The following EFCAB5 variants were observed in gnomAD, a reference collection of about 807,000 sequenced individuals.
EFCAB5 encodes EF-hand calcium-binding domain-containing protein 5.
Under a neutral mutation model 167.9 loss-of-function variants are expected in EFCAB5, and 131 were observed. The observed-to-expected ratio is 0.78, with a 90% CI of 0.68 to 0.90. The LOEUF (loss-of-function observed/expected upper bound fraction) is 0.90. Among genes scored for constraint, EFCAB5 ranks in the 40% least tolerant of loss-of-function variants. The pLI is 0.00. For synonymous variants in EFCAB5, 574 were observed against 602.8 expected (o/e 0.95, Z 0.70); for missense variants, 1,663 against 1,745.2 (o/e 0.95, Z 0.84).
chr17:30,097,055 T>C (rs199622600), intron 22 of EFCAB5, among the ~76,000 whole-genome samples: 24 of 53,756 alleles, frequency 4.5e-4, no homozygotes, highest in African/African-American at 7.6e-4. Context: ...TATACATATA[T>C]ATATATTTTT....
chr17:29,984,376 G>A (rs886619512), intron 4 of EFCAB5, among the ~76,000 whole-genome samples: 25 of 151,952 alleles, frequency 1.6e-4, no homozygotes, highest in African/African-American at 5.8e-4. Flanking sequence ...CTGACTGGTA[G>A]AGATTTGGTT....
In EFCAB5 at chr17:29,989,522, G is replaced by T. The variant is rs911726380; in HGVS notation, c.768-3643G>T. 3.9e-5 allele frequency among the ~76,000 whole-genome samples: 6 copies of T among 152,206 alleles called. 1 individual carries two copies. Among genetic ancestry groups the T allele is most frequent in the Admixed American group, 3.9e-4 (6 of 15,292 alleles). On this transcript the variant is annotated intron_variant, in intron 4 of 22. Coordinates refer to ENST00000394835, the MANE Select transcript of EFCAB5 (RefSeq NM_198529.4). ...ACAGTCTAGCTCAGCTAAGGGAATAGTAAAGACACAGTCTTTTAAGTCTAT... is the reference window on the plus strand; with the variant it reads ...ACAGTCTAGCTCAGCTAAGGGAATATTAAAGACACAGTCTTTTAAGTCTAT...
intron 3 of EFCAB5, among the ~76,000 whole-genome samples, chr17:29,963,101 C>G (rs2067754409): frequency 6.6e-6 from 1 of 151,934 alleles, no homozygotes; most frequent in Admixed American, 6.6e-5. Flanking sequence ...GCTACCACAC[C>G]CAGCTAATTC....
At chr17:30,038,565 C>G (rs2069686196) in intron 8 of EFCAB5, among the ~76,000 whole-genome samples, 1 of 152,230 alleles carries the variant, frequency 6.6e-6, no homozygotes, top group African/African-American at 2.4e-5. Context: ...GTCAAGGAGT[C>G]AGTCATTTTG....
chr17:30,059,103 A>C (rs1194400916), intron 13 of EFCAB5: 2 of 152,078 alleles, frequency 1.3e-5, no homozygotes, highest in African/African-American at 4.8e-5. Flanking sequence ...CTTTAGTGAC[A>C]CTAATGTTAA....
chr17:30,026,980 T>TGAGA, intron 7 of EFCAB5, among the ~76,000 whole-genome samples: 2 of 86,992 alleles, frequency 2.3e-5, no homozygotes, highest in Non-Finnish European at 4.5e-5. Context: ...TTTTTTTTTT[T>TGAGA]TTTTTTTTTT....
intron 7 of EFCAB5, among the ~76,000 whole-genome samples, chr17:30,008,387 G>A (rs541843786): frequency 6.6e-6 from 1 of 152,152 alleles, no homozygotes; most frequent in Non-Finnish European, 1.5e-5. Context: ...GAGGTCAAGA[G>A]TTCAAGACCA....
chr17:30,087,872 G>C (rs1428977719), intron 19 of EFCAB5, among the ~76,000 whole-genome samples: 1 of 152,144 alleles, frequency 6.6e-6, no homozygotes, highest in East Asian at 1.9e-4. Context: ...TCACCACACT[G>C]TCTTCCACAA....
At chr17:29,939,554 T>C (rs2067272388), upstream of EFCAB5, among the ~76,000 whole-genome samples, 1 of 152,010 alleles carries the variant, frequency 6.6e-6, no homozygotes, top group South Asian at 2.1e-4. Flanking sequence ...TTGTTTAGTG[T>C]AGCCACCTTC....
chr17:30,100,326 G>A (rs1315348521), intron 22 of EFCAB5, among the ~76,000 whole-genome samples: 1 of 152,152 alleles, frequency 6.6e-6, no homozygotes, highest in Non-Finnish European at 1.5e-5. Context: ...CAGAGGATAA[G>A]CAATAAACAT....
At chr17:29,978,901 G>A (rs548564849) in intron 4 of EFCAB5, among the ~76,000 whole-genome samples, 5 of 152,328 alleles carry the variant, frequency 3.3e-5, no homozygotes, top group African/African-American at 1.2e-4. Flanking sequence ...CATCCTCTGT[G>A]CTAACTCAGT....
intron 1 of EFCAB5, among the ~76,000 whole-genome samples, 170 bp from the exon 2 acceptor site, chr17:29,942,070 T>A (rs140549659): frequency 2.0e-5 from 3 of 152,362 alleles, no homozygotes; most frequent in Admixed American, 2.0e-4. Flanking sequence ...AAAAGTCTGT[T>A]ATTGTTTGAA....
intron 4 of EFCAB5, among the ~76,000 whole-genome samples, chr17:29,990,504 A>G (rs886684491): frequency 1.3e-5 from 2 of 152,194 alleles, no homozygotes; most frequent in African/African-American, 2.4e-5. Context: ...TGTAATCTGA[A>G]TCAATGACTC....
At chr17:30,083,199 A>G (rs978398216) in intron 18 of EFCAB5, among the ~76,000 whole-genome samples, 156 bp downstream of exon 18, 3 of 152,262 alleles carry the variant, frequency 2.0e-5, no homozygotes, top group Admixed American at 2.0e-4. Flanking sequence ...ACAGGAATCC[A>G]TCTCAAATTG....
chr17:30,091,329 T>C (rs541841932), intron 20 of EFCAB5, among the ~76,000 whole-genome samples: 3 of 152,282 alleles, frequency 2.0e-5, no homozygotes, highest in Non-Finnish European at 4.4e-5. Context: ...CTGGAAACCT[T>C]TGGCTTCCTA....
chr17:30,012,650 G>A (rs1407177672), intron 7 of EFCAB5, among the ~76,000 whole-genome samples: 3 of 152,114 alleles, frequency 2.0e-5, no homozygotes, highest in East Asian at 1.9e-4. Flanking sequence ...TGGTCTCCGC[G>A]ACTTGGTGGT....
intron 7 of EFCAB5, among the ~76,000 whole-genome samples, chr17:30,001,486 A>T (rs909174770): frequency 5.9e-5 from 9 of 152,098 alleles, no homozygotes; most frequent in African/African-American, 2.2e-4. Flanking sequence ...TATTTTTTTC[A>T]TTATAAAAGT....
intron 3 of EFCAB5, among the ~76,000 whole-genome samples, chr17:29,946,658 T>G (rs1411636930): frequency 6.6e-6 from 1 of 151,858 alleles, no homozygotes; most frequent in Non-Finnish European, 1.5e-5. Flanking sequence ...CAGGATGGTC[T>G]CGATCTCCTG....
intron 14 of EFCAB5, 84 bp from the exon 15 acceptor site, chr17:30,078,131 T>C (rs1255680835): frequency 2.0e-5 from 28 of 1,431,084 alleles, no homozygotes; most frequent in Non-Finnish European, 2.6e-5. Context: ...AGGGCTTCAG[T>C]TCATCGTAAG....
Sources: allele counts gnomAD v4.1 joint callset (sites outside exome capture counted in the v4.1 genomes callset), GRCh38; gene constraint gnomAD v4.1.1; transcripts MANE v1.5; gene names NCBI Gene and HGNC (gene_info 2026-07-23, HGNC 2026-07-21).